The following CLOCK variants were observed in gnomAD, a reference collection of about 807,000 sequenced individuals.
The protein encoded by CLOCK is clock circadian regulator, also known as circadian locomoter output cycles protein kaput.
A neutral mutation model predicts 118.4 loss-of-function variants in CLOCK; 43 were observed. The observed-to-expected ratio is 0.36, with a 90% CI of 0.28 to 0.47. The LOEUF (loss-of-function observed/expected upper bound fraction) is 0.47, where lower values mean the gene tolerates loss of function less well. Ranked by LOEUF, CLOCK falls within the 20% of genes least tolerant of loss-of-function variation. The pLI is 1.00. For synonymous variants in CLOCK, 326 were observed against 339.2 expected (o/e 0.96, Z 0.43); for missense variants, 846 against 999.9 (o/e 0.85, Z 2.08).
At chr4:55,475,871 G>A (rs1726476347) in intron 7 of CLOCK, 92 bp downstream of exon 7, 5 of 809,542 alleles carry the variant, frequency 6.2e-6, no homozygotes, top group East Asian at 2.6e-5. Context: ...AACTCAACTC[G>A]CAATATCGCC....
chr4:55,518,328 T>C (rs907889898), intron 1 of CLOCK, among the ~76,000 whole-genome samples: 8 of 151,982 alleles, frequency 5.3e-5, no homozygotes, highest in Non-Finnish European at 7.4e-5. Flanking sequence ...ACGGGGAGAA[T>C]TTATCTGACC....
At chr4:55,452,144 T>C (rs1724513904) in intron 15 of CLOCK, 1 of 152,242 alleles carries the variant, frequency 6.6e-6, no homozygotes, top group Non-Finnish European at 1.5e-5. Context: ...GGGCTGGATC[T>C]ACTGATTTCC....
chr4:55,482,857 T>C lies in CLOCK; in HGVS notation c.-43-29A>G, dbSNP rs964685721. The C allele has an allele frequency of 7.3e-6, 8 of 1,098,826 alleles. No homozygotes were observed. In the African/African-American group the frequency reaches 7.8e-5, roughly 11 times the overall value. The allele number at this position is 1,098,826 out of a possible 1,614,324, so 68.1% of individuals were successfully genotyped here. ...AGGTGAAAAGAAAAATAAATGGTCA[T>C]TAGTTTTCTAAAAATGTTACTTCCA... On this transcript the variant is annotated intron_variant, in intron 3 of 22. Coordinates refer to ENST00000513440, the MANE Select transcript of CLOCK (RefSeq NM_004898.4).
Position 55,470,731 on chromosome 4 carries a change from G to A in CLOCK, c.424C>T (p.Leu142Phe). ...IYVSESVTSL[L>F]EHLPSDLVDQ... ...TTTATACTTACTGGTAAATGTTCAAGTAATGAAGTTACACTCTCAGACACA... is the reference window on the plus strand; with the variant it reads ...TTTATACTTACTGGTAAATGTTCAAATAATGAAGTTACACTCTCAGACACA... The change falls in exon 8 of 23, where the codon CTT (leucine) becomes TTT (phenylalanine). Residue 142 changes from leucine to phenylalanine, a missense_variant. Leu to Phe is a conservative substitution (Grantham distance 22). Around this residue, in one of 4 missense-constraint regions of CLOCK, gnomAD observed 246 missense variants for 300.2 expected, o/e 0.82. Transcript: ENST00000513440. 1 of 1,602,188 alleles carries A rather than the reference G, an allele frequency of 6.2e-7. No homozygotes were observed. The highest frequency in any genetic ancestry group is 8.5e-7 in the Non-Finnish European group (1 of 1,170,030).
rs1407363934 is a variant in CLOCK, at chr4:55,432,350, C to G, written c.*3065G>C. On this transcript the variant is annotated 3_prime_UTR_variant, in exon 23 of 23. Transcript: ENST00000513440. ...GACTCTCCCAAAACTATGATAACTGCAAGTCCAAAGCACGGTAACTGCAGA... is the reference window on the plus strand; with the variant it reads ...GACTCTCCCAAAACTATGATAACTGGAAGTCCAAAGCACGGTAACTGCAGA... 1 of 151,968 alleles carries G rather than the reference C, an allele frequency of 6.6e-6. No individual in the cohort carries two copies. The highest frequency in any genetic ancestry group is 1.5e-5 in the Non-Finnish European group (1 of 67,998). 9.4% of individuals were successfully genotyped at this position (151,968 alleles called of 1,614,324 possible). A position where few individuals can be genotyped will look rare whatever the true frequency, so the allele number is the denominator to read the frequency against.
intron 1 of CLOCK, among the ~76,000 whole-genome samples, chr4:55,540,307 C>G (rs986500605): frequency 7.0e-6 from 1 of 142,256 alleles, no homozygotes; most frequent in Non-Finnish European, 1.5e-5. Flanking sequence ...TGTGCCCTGC[C>G]TAAAATGTAA....
rs76216061 is a variant in CLOCK at position 55,463,144 on chromosome 4, T to C, written c.559+541A>G. ...TACCATAATATGTTGTGTATCTTGA[T>C]GGTGATAACTATTTTCACTATTGTT... On this transcript the variant is annotated intron_variant, in intron 9 of 22. Coordinates refer to ENST00000513440, the MANE Select transcript of CLOCK (RefSeq NM_004898.4). Among the ~76,000 whole-genome samples, 8 of 152,324 alleles carry C rather than the reference T, an allele frequency of 5.3e-5. No homozygotes were observed. The East Asian group carries it at 1.5e-3, about 29-fold the overall frequency.
At chr4:55,462,675 T>C (rs753921551) in intron 9 of CLOCK, among the ~76,000 whole-genome samples, 8 of 152,238 alleles carry the variant, frequency 5.3e-5, no homozygotes, top group Non-Finnish European at 1.0e-4. Flanking sequence ...TAGGTATCTA[T>C]TATATACAGC....
chr4:55,539,497 CA>C (rs1731115243), intron 1 of CLOCK, among the ~76,000 whole-genome samples: 1 of 133,038 alleles, frequency 7.5e-6, no homozygotes, highest in East Asian at 2.2e-4. Context: ...TGCCTGAGCC[CA>C]AAAGGTTGAG....
chr4:55,522,548 T>G (rs1284946999), intron 1 of CLOCK, among the ~76,000 whole-genome samples: 1 of 150,934 alleles, frequency 6.6e-6, no homozygotes, highest in Non-Finnish European at 1.5e-5. Context: ...TAAGAAAACA[T>G]GCTAAACTTT....
intron 7 of CLOCK, among the ~76,000 whole-genome samples, chr4:55,474,520 A>G (rs1164843495): frequency 1.3e-5 from 2 of 152,218 alleles, no homozygotes; most frequent in Non-Finnish European, 2.9e-5. Flanking sequence ...AGTGCAGATG[A>G]AACAGCCTTC....
At chr4:55,493,082 TTTTC>T (rs994855293) in intron 2 of CLOCK, among the ~76,000 whole-genome samples, 3 of 152,128 alleles carry the variant, frequency 2.0e-5, no homozygotes, top group African/African-American at 7.2e-5. Context: ...GCTGCATTTT[TTTTC>T]TTTTTCTTTT....
intron 1 of CLOCK, among the ~76,000 whole-genome samples, chr4:55,530,270 C>A (rs1158686461): frequency 3.3e-5 from 5 of 152,042 alleles, no homozygotes; most frequent in Non-Finnish European, 7.4e-5. Flanking sequence ...TAGAAAATAA[C>A]AAGACAGAAT....
At chr4:55,487,690 G>C (rs943663007) in intron 3 of CLOCK, among the ~76,000 whole-genome samples, 1 of 152,086 alleles carries the variant, frequency 6.6e-6, no homozygotes, top group African/African-American at 2.4e-5. Flanking sequence ...CCCTTAAACA[G>C]ATTTGCAACA....
intron 2 of CLOCK, among the ~76,000 whole-genome samples, chr4:55,504,806 G>C (rs1728695809): frequency 6.6e-6 from 1 of 152,124 alleles, no homozygotes; most frequent in African/African-American, 2.4e-5. Context: ...TTGCAAAGTT[G>C]TATTTCATTT....
In CLOCK at chr4:55,428,975, T is replaced by C. The variant is rs888137173; in HGVS notation, c.*6440A>G. 2.9e-5 allele frequency: 2 copies of C among 69,424 alleles called. No homozygotes were observed. Among genetic ancestry groups the C allele is most frequent in the African/African-American group, 7.9e-5 (2 of 25,284 alleles). The allele number at this position is 69,424 out of a possible 1,614,324, so 4.3% of individuals were successfully genotyped here. A position where few individuals can be genotyped will look rare whatever the true frequency, so the allele number is the denominator to read the frequency against. The stretch of plus-strand genomic sequence containing the variant: ...GGTAACTGTTCTGGCTGACACATCT[T>C]TTTTTTTTTTTTTTTTTTTAAAAAG... On this transcript the variant is annotated 3_prime_UTR_variant, in exon 23 of 23. Coordinates refer to ENST00000513440, the MANE Select transcript of CLOCK (RefSeq NM_004898.4).
chr4:55,452,912 T>C (rs1325281972), intron 15 of CLOCK, 142 bp downstream of exon 15: 5 of 609,904 alleles, frequency 8.2e-6, no homozygotes, highest in Non-Finnish European at 1.4e-5. Context: ...AAATTAAAAA[T>C]AAGTAGTAAA....
chr4:55,436,239 C>T (rs1036762245), intron 22 of CLOCK, among the ~76,000 whole-genome samples: 2 of 152,084 alleles, frequency 1.3e-5, no homozygotes, highest in African/African-American at 4.8e-5. Flanking sequence ...AAAGTTGCAG[C>T]CTTAGGTCCG....
chr4:55,500,392 G>A (rs1226451734), intron 2 of CLOCK, among the ~76,000 whole-genome samples: 2 of 152,192 alleles, frequency 1.3e-5, no homozygotes, highest in Non-Finnish European at 2.9e-5. Context: ...CACCAAGGCT[G>A]CAGTGCAGTG....
Sources: gnomAD v4.1 joint callset for allele counts (sites outside exome capture counted in the v4.1 genomes callset) on GRCh38, gnomAD v4.1.1 for gene constraint, gnomAD v4.1.1 regional missense constraint, MANE v1.5 for transcripts, NCBI Gene and HGNC (gene_info 2026-07-23, HGNC 2026-07-21) for gene names.